Variants in EYA1 observed in about 807,000 individuals in gnomAD.
EYA1 encodes the protein EYA transcriptional coactivator and phosphatase 1.
In EYA1, 16 loss-of-function variants were observed where a neutral mutation model predicts 82.0. The ratio of observed to expected loss-of-function variants is 0.20; its 90% CI spans 0.13 to 0.30. The LOEUF is 0.30. EYA1 is among the 10% of genes least tolerant of loss of function. EYA1 has a pLI of 1.00. For synonymous variants in EYA1, 261 were observed against 264.4 expected (o/e 0.99, Z 0.12); for missense variants, 633 against 730.7 (o/e 0.87, Z 1.54).
At chr8:71,320,529 A>T (rs989766027) in intron 6 of EYA1, among the ~76,000 whole-genome samples, 5 of 152,182 alleles carry the variant, frequency 3.3e-5, no homozygotes, top group African/African-American at 9.6e-5. Context: ...TGTGAATAAA[A>T]GTTATGGAAA....
intron 17 of EYA1, among the ~76,000 whole-genome samples, chr8:71,200,651 C>A (rs1490867518): frequency 1.3e-5 from 2 of 152,148 alleles, no homozygotes; most frequent in Non-Finnish European, 2.9e-5. Flanking sequence ...GGAAACTTCA[C>A]ACTGTAAGAC....
intron 2 of EYA1, among the ~76,000 whole-genome samples, chr8:71,395,298 G>A (rs1189235918): frequency 3.3e-5 from 5 of 152,162 alleles, no homozygotes; most frequent in African/African-American, 1.2e-4. Flanking sequence ...TCTCTTGCCT[G>A]ATTGCCCTGG....
chr8:71,519,105 C>A (rs1162093896), intron 2 of EYA1, among the ~76,000 whole-genome samples: 1 of 152,096 alleles, frequency 6.6e-6, no homozygotes, highest in East Asian at 1.9e-4. Context: ...TCCCCTATGA[C>A]AATGAATATT....
chr8:71,516,489 A>T (rs1240347256), intron 2 of EYA1, among the ~76,000 whole-genome samples: 1 of 152,190 alleles, frequency 6.6e-6, no homozygotes, highest in Non-Finnish European at 1.5e-5. Context: ...CACAGTATAT[A>T]TGCAGCCAAA....
chr8:71,331,861 G>A (rs983784022), intron 4 of EYA1, among the ~76,000 whole-genome samples: 1 of 151,716 alleles, frequency 6.6e-6, no homozygotes, highest in African/African-American at 2.4e-5. Flanking sequence ...TTTTGTTTTT[G>A]TTTTGAGACA....
chr8:71,429,785 A>T (rs1805493965), intron 2 of EYA1, among the ~76,000 whole-genome samples: 1 of 152,182 alleles, frequency 6.6e-6, no homozygotes, highest in Non-Finnish European at 1.5e-5. Context: ...AATAAAGAGG[A>T]CAGGTAGCAC....
chr8:71,377,850 G>A (rs1348327390), intron 2 of EYA1, among the ~76,000 whole-genome samples: 4 of 152,164 alleles, frequency 2.6e-5, no homozygotes, highest in Admixed American at 6.6e-5. Context: ...GTGTAGCATT[G>A]TAGTATCATC....
chr8:71,531,047 T>C (rs1814229062), intron 2 of EYA1: 1 of 152,234 alleles, frequency 6.6e-6, no homozygotes, highest in Admixed American at 6.5e-5. Context: ...GACAACATCA[T>C]GATCAAACAT....
intron 2 of EYA1, among the ~76,000 whole-genome samples, chr8:71,520,502 ACACATACTGCATTCT>A (rs1813316061): frequency 6.6e-6 from 1 of 152,234 alleles, no homozygotes; most frequent in South Asian, 2.1e-4. Flanking sequence ...AAGAAATTTC[ACACATACTGCATTCT>A]CACAGCTGCT....
chr8:71,393,740 G>A (rs1425031573), intron 2 of EYA1, among the ~76,000 whole-genome samples: 1 of 152,138 alleles, frequency 6.6e-6, no homozygotes, highest in Non-Finnish European at 1.5e-5. Context: ...TGTGAATAGT[G>A]CCACAATAAA....
intron 2 of EYA1, among the ~76,000 whole-genome samples, chr8:71,376,537 T>C (rs1403094653): frequency 6.6e-6 from 1 of 152,130 alleles, no homozygotes; most frequent in African/African-American, 2.4e-5. Context: ...ATTAGAGGGT[T>C]ATTGTAGTAG....
intron 4 of EYA1, among the ~76,000 whole-genome samples, chr8:71,331,488 T>TA (rs1388728695): frequency 0.034 from 1,267 of 37,394 alleles, 15 homozygotes; most frequent in East Asian, 0.17. Context: ...GTATAAATGT[T>TA]TTATATATAT....
chr8:71,257,146 A>G (rs1379931658), intron 11 of EYA1, among the ~76,000 whole-genome samples: 1 of 152,168 alleles, frequency 6.6e-6, no homozygotes, highest in Non-Finnish European at 1.5e-5. Context: ...ATGAATTCCT[A>G]AATACATACT....
At chr8:71,442,300 G>A (rs10808775) in intron 2 of EYA1, among the ~76,000 whole-genome samples, 75,010 of 152,042 alleles carry the variant, frequency 0.49, 21,187 homozygotes, top group African/African-American at 0.76. Context: ...CCTGTGGGAA[G>A]TGGATCTTTT....
intron 12 of EYA1, among the ~76,000 whole-genome samples, chr8:71,218,317 G>T (rs921123979): frequency 2.0e-5 from 3 of 152,160 alleles, no homozygotes; most frequent in East Asian, 1.9e-4. Context: ...ATAATAGAAG[G>T]TATATTTTTA....
intron 16 of EYA1, among the ~76,000 whole-genome samples, chr8:71,214,146 G>A (rs929003751): frequency 6.6e-6 from 1 of 152,018 alleles, no homozygotes; most frequent in Admixed American, 6.6e-5. Flanking sequence ...ATATGGAGTC[G>A]AGCAGCCAAA....
intron 6 of EYA1, among the ~76,000 whole-genome samples, chr8:71,319,075 G>GAC (rs1822234646): frequency 1.3e-5 from 2 of 151,106 alleles, no homozygotes; most frequent in African/African-American, 4.9e-5. Flanking sequence ...CTGCATTTGA[G>GAC]ACTATACTGA....
At chr8:71,429,462 T>C (rs1258744790) in intron 2 of EYA1, among the ~76,000 whole-genome samples, 3 of 152,176 alleles carry the variant, frequency 2.0e-5, no homozygotes, top group Non-Finnish European at 4.4e-5. Flanking sequence ...AATAATATAC[T>C]ACATTGGTAG....
intron 2 of EYA1, among the ~76,000 whole-genome samples, chr8:71,457,043 A>G (rs1333774438): frequency 6.6e-6 from 1 of 151,966 alleles, no homozygotes; most frequent in African/African-American, 2.4e-5. Flanking sequence ...GAATCTACAA[A>G]GAACTCAAAC....
Sources: allele counts gnomAD v4.1 joint callset (sites outside exome capture counted in the v4.1 genomes callset), GRCh38; gene constraint gnomAD v4.1.1; transcripts MANE v1.5; gene names NCBI Gene and HGNC (gene_info 2026-07-23, HGNC 2026-07-21).